Variants in CEPT1 observed in about 807,000 individuals in gnomAD.
CEPT1 encodes choline/ethanolaminephosphotransferase 1.
CEPT1 carries 7 observed loss-of-function variants against 42.6 expected under a neutral mutation model. That is an observed-to-expected ratio of 0.16 (90% CI 0.09 to 0.31). CEPT1 has a LOEUF of 0.31. CEPT1 is among the 10% of genes least tolerant of loss of function. The pLI is 1.00. For synonymous variants in CEPT1, 171 were observed against 171.9 expected (o/e 0.99, Z 0.04); for missense variants, 306 against 502.1 (o/e 0.61, Z 3.73).
intron 2 of CEPT1, among the ~76,000 whole-genome samples, chr1:111,156,277 C>G (rs1655565453): frequency 6.6e-6 from 1 of 152,114 alleles, no homozygotes; most frequent in Admixed American, 6.6e-5. Flanking sequence ...GAAATGACCC[C>G]AACGCAAATA....
intron 4 of CEPT1, among the ~76,000 whole-genome samples, chr1:111,166,210 T>C (rs1015196570): frequency 1.3e-5 from 2 of 152,222 alleles, no homozygotes; most frequent in Non-Finnish European, 2.9e-5. Flanking sequence ...AAAACCTAGA[T>C]TGCAGTTTGG....
rs1657093892 is a variant in CEPT1 at position 111,183,485 on chromosome 1, A to G, written c.1029A>G (p.Glu343=). 6.2e-7 allele frequency: 1 copy of G among 1,613,684 alleles called. No homozygotes were observed. The highest frequency in any genetic ancestry group is 8.5e-7 in the Non-Finnish European group (1 of 1,179,628). ...AGGTTGCACACATGACGAAAAGTGA[A>G]ATGCATTTGCATGACACAGCATTCA... ...KLVVAHMTKS[E]MHLHDTAFIG... is the part of the protein sequence containing the mutation. Residue 343 remains glutamate (E), a synonymous_variant, in exon 8 of 9, where the codon GAA becomes GAG. Coordinates refer to ENST00000357172, the MANE Select transcript of CEPT1 (RefSeq NM_006090.5).
intron 2 of CEPT1, among the ~76,000 whole-genome samples, chr1:111,152,697 C>G (rs879461324): frequency 6.6e-6 from 1 of 152,134 alleles, no homozygotes; most frequent in Admixed American, 6.5e-5. Flanking sequence ...GAGAGCTGTT[C>G]ATGGAACTCC....
intron 2 of CEPT1, among the ~76,000 whole-genome samples, 187 bp downstream of exon 2, chr1:111,148,240 C>G (rs185727866): frequency 1.3e-5 from 2 of 152,092 alleles, no homozygotes; most frequent in African/African-American, 4.8e-5. Context: ...CAGAAGCAAA[C>G]GGTAGACTGT....
At chr1:111,181,307 A>C (rs922675017) in intron 5 of CEPT1, 1 of 152,088 alleles carries the variant, frequency 6.6e-6, no homozygotes, top group African/African-American at 2.4e-5. Context: ...TTTTCAATCC[A>C]TATTGGACAA....
intron 4 of CEPT1, among the ~76,000 whole-genome samples, chr1:111,172,016 G>A (rs1309730969): frequency 6.6e-6 from 1 of 152,230 alleles, no homozygotes; most frequent in Non-Finnish European, 1.5e-5. Context: ...GGGATTACAG[G>A]CGTGAGCCAC....
intron 4 of CEPT1, among the ~76,000 whole-genome samples, chr1:111,171,287 C>A (rs1656400459): frequency 6.6e-6 from 1 of 152,192 alleles, no homozygotes; most frequent in Non-Finnish European, 1.5e-5. Flanking sequence ...AGCTATTTTG[C>A]ACTTCTGATG....
chr1:111,165,073 G>A (rs1186189669), intron 4 of CEPT1, among the ~76,000 whole-genome samples: 5 of 117,018 alleles, frequency 4.3e-5, no homozygotes, highest in African/African-American at 1.0e-4. Context: ...TTTTTGAGAC[G>A]GAGTCTCACT....
chr1:111,180,988 A>AC (rs1389679715), intron 5 of CEPT1: 4 of 152,154 alleles, frequency 2.6e-5, no homozygotes, highest in Non-Finnish European at 1.5e-5. Flanking sequence ...ACATGGTGAA[A>AC]CCCCATCTCT....
intron 4 of CEPT1, among the ~76,000 whole-genome samples, chr1:111,163,423 A>T (rs1401342556): frequency 6.6e-6 from 1 of 152,184 alleles, no homozygotes; most frequent in Non-Finnish European, 1.5e-5. Context: ...TGAGCCCAGG[A>T]TTTCAAGACC....
Position 111,184,537 on chromosome 1 carries a change from G to A in CEPT1, c.*227G>A. On this transcript the variant is annotated 3_prime_UTR_variant, in exon 9 of 9. Coordinates refer to ENST00000357172, the MANE Select transcript of CEPT1 (RefSeq NM_006090.5). ...GTCATGCAGGGTTTGGGCCAAGAAA[G>A]CATGCAGAAAAAAATGCCATGTGAT... 2.9e-6 allele frequency: 1 copy of A among 342,156 alleles called. No homozygotes were observed. Among genetic ancestry groups the A allele is most frequent in the African/African-American group, 2.1e-5 (1 of 46,968 alleles). The allele number at this position is 342,156 out of a possible 1,614,324, so 21.2% of individuals were successfully genotyped here.
intron 3 of CEPT1, 53 bp from the exon 4 acceptor site, chr1:111,161,102 C>T (rs1655846565): frequency 6.3e-7 from 1 of 1,591,452 alleles, no homozygotes; most frequent in African/African-American, 1.3e-5. Flanking sequence ...ATTTCCAGCT[C>T]AGTTGTTTGC....
intron 4 of CEPT1, among the ~76,000 whole-genome samples, chr1:111,164,817 G>A (rs1413039601): frequency 2.6e-5 from 4 of 151,834 alleles, no homozygotes; most frequent in African/African-American, 4.8e-5. Flanking sequence ...TAGAGATGGG[G>A]TTTCACCGTG....
intron 4 of CEPT1, among the ~76,000 whole-genome samples, chr1:111,166,157 G>A (rs966446914): frequency 1.3e-5 from 2 of 152,038 alleles, no homozygotes; most frequent in Non-Finnish European, 2.9e-5. Context: ...AATTTTATCA[G>A]TTGCCATAGA....
At chr1:111,147,127 G>A (rs1655012755) in intron 1 of CEPT1, among the ~76,000 whole-genome samples, 1 of 152,192 alleles carries the variant, frequency 6.6e-6, no homozygotes, top group Non-Finnish European at 1.5e-5. Flanking sequence ...TTCTAGGGTG[G>A]TTGTGAGGAT....
intron 5 of CEPT1, among the ~76,000 whole-genome samples, chr1:111,175,654 G>C (rs1323866290): frequency 1.3e-5 from 2 of 152,168 alleles, no homozygotes; most frequent in African/African-American, 4.8e-5. Context: ...GTCATTAGTA[G>C]TACCTGTCTC....
intron 2 of CEPT1, among the ~76,000 whole-genome samples, chr1:111,150,139 C>G (rs1571117783): frequency 6.6e-6 from 1 of 152,272 alleles, no homozygotes; most frequent in East Asian, 1.9e-4. Flanking sequence ...GCATTTTTAG[C>G]TACGAGGTAG....
At chr1:111,178,327 C>T (rs2101392735) in intron 5 of CEPT1, 1 of 152,264 alleles carries the variant, frequency 6.6e-6, no homozygotes, top group East Asian at 1.9e-4. Context: ...AGGCTGATTC[C>T]AGAAGATCAG....
chr1:111,160,205 C>T (rs1380282984), intron 3 of CEPT1: 1 of 152,080 alleles, frequency 6.6e-6, no homozygotes, highest in Non-Finnish European at 1.5e-5. Context: ...TTTATTTGCA[C>T]TGTTTTGCAA....
Sources: allele counts gnomAD v4.1 joint callset (sites outside exome capture counted in the v4.1 genomes callset), GRCh38; gene constraint gnomAD v4.1.1; transcripts MANE v1.5; gene names NCBI Gene and HGNC (gene_info 2026-07-23, HGNC 2026-07-21).